CSMD1: variants seen among roughly 807,000 people sequenced by gnomAD.
CSMD1 encodes CUB and sushi domain-containing protein 1.
Under a neutral mutation model 417.5 loss-of-function variants are expected in CSMD1, and 213 were observed. The ratio of observed to expected loss-of-function variants is 0.51; its 90% CI spans 0.46 to 0.57. The LOEUF (loss-of-function observed/expected upper bound fraction) is 0.57. CSMD1 is among the 20% of genes least tolerant of loss of function. CSMD1 has a pLI of 0.00. For missense variants in CSMD1, 6,923 were observed against 4,529.7 expected (o/e 1.53, Z -15.17); for synonymous variants, 2,862 against 1,736.8 (o/e 1.65, Z -16.11).
chr8:3,521,622 C>A (rs932609372), intron 10 of CSMD1, among the ~76,000 whole-genome samples: 1 of 152,078 alleles, frequency 6.6e-6, no homozygotes, highest in Non-Finnish European at 1.5e-5. Context: ...CCCTTGTACA[C>A]GGAGCAAAGT....
intron 1 of CSMD1, among the ~76,000 whole-genome samples, chr8:4,662,259 A>G (rs946077898): frequency 6.6e-6 from 1 of 152,148 alleles, no homozygotes; most frequent in South Asian, 2.1e-4. Context: ...AATTTAATAA[A>G]CATTTTTATT....
intron 2 of CSMD1, among the ~76,000 whole-genome samples, chr8:4,610,808 T>A (rs192474386): frequency 2.2e-4 from 33 of 152,322 alleles, no homozygotes; most frequent in African/African-American, 7.2e-4. Flanking sequence ...GAGTTCAGGA[T>A]GGCATGCATG....
chr8:3,983,113 G>A (rs996370646), intron 5 of CSMD1, among the ~76,000 whole-genome samples: 2 of 148,438 alleles, frequency 1.3e-5, no homozygotes, highest in Non-Finnish European at 3.0e-5. Flanking sequence ...ACATCGTTAT[G>A]CATCCTCCCA....
intron 3 of CSMD1, among the ~76,000 whole-genome samples, chr8:4,295,837 A>T (rs1353098795): frequency 1.1e-4 from 16 of 146,418 alleles, no homozygotes; most frequent in African/African-American, 4.0e-4. Flanking sequence ...CCCTTATGCA[A>T]ATTTCAGATT....
rs567299395 is a variant in CSMD1, at chr8:3,704,922, G to C, written c.1009+3492C>G. 3 of 152,366 alleles carry C rather than the reference G, an allele frequency of 2.0e-5. No homozygotes were observed. In the East Asian group the frequency reaches 5.8e-4, roughly 29 times the overall value. The allele number at this position is 152,366 out of a possible 1,614,324, so 9.4% of individuals were successfully genotyped here. A position where few individuals can be genotyped will look rare whatever the true frequency, so the allele number is the denominator to read the frequency against. Reference sequence around the variant, plus strand: ...TTTGGGTGGATCTGATATAGTCAGAGGGCATGGATTTCTTGCTTTGCCCAG... The same window carrying C: ...TTTGGGTGGATCTGATATAGTCAGACGGCATGGATTTCTTGCTTTGCCCAG... On this transcript the variant is annotated intron_variant, in intron 7 of 69. Transcript: ENST00000635120.
At chr8:3,223,652 G>A (rs1798334483) in intron 28 of CSMD1, 77 bp downstream of exon 28, 5 of 1,434,178 alleles carry the variant, frequency 3.5e-6, no homozygotes, top group Non-Finnish European at 3.9e-6. Flanking sequence ...TAGAGACTAT[G>A]AGGTCATAAA....
chr8:4,504,122 T>C (rs1802401889), intron 2 of CSMD1, among the ~76,000 whole-genome samples: 1 of 152,132 alleles, frequency 6.6e-6, no homozygotes, highest in East Asian at 1.9e-4. Context: ...GTGGTGTATA[T>C]ATAGCCCATG....
intron 25 of CSMD1, among the ~76,000 whole-genome samples, chr8:3,295,528 C>T (rs1417679065): frequency 6.6e-6 from 1 of 152,078 alleles, no homozygotes; most frequent in Non-Finnish European, 1.5e-5. Context: ...TTTCGTAGTT[C>T]CTTACTAAAG....
intron 3 of CSMD1, among the ~76,000 whole-genome samples, chr8:4,090,160 T>C (rs1390753636): frequency 6.6e-6 from 1 of 152,218 alleles, no homozygotes; most frequent in Non-Finnish European, 1.5e-5. Context: ...ATTGGCTTGA[T>C]ACTGTTTTGA....
intron 3 of CSMD1, among the ~76,000 whole-genome samples, chr8:4,133,556 T>C (rs1434561286): frequency 6.6e-6 from 1 of 152,208 alleles, no homozygotes; most frequent in Admixed American, 6.5e-5. Flanking sequence ...ATAAGGGTTT[T>C]GTAGGAAAGC....
intron 2 of CSMD1, among the ~76,000 whole-genome samples, chr8:4,614,647 A>C (rs1337329954): frequency 6.6e-6 from 1 of 152,128 alleles, no homozygotes; most frequent in Non-Finnish European, 1.5e-5. Context: ...ACACACATAC[A>C]AACGTGCGCA....
intron 1 of CSMD1, among the ~76,000 whole-genome samples, chr8:4,986,355 T>C (rs546123875): frequency 1.2e-4 from 18 of 152,302 alleles, no homozygotes; most frequent in African/African-American, 4.1e-4. Context: ...AGAAGAAAAT[T>C]ACTCATTTGT....
chr8:3,374,257 C>A (rs1563323718), intron 18 of CSMD1, among the ~76,000 whole-genome samples: 1 of 152,144 alleles, frequency 6.6e-6, no homozygotes, highest in South Asian at 2.1e-4. Flanking sequence ...CCATGTCCGA[C>A]CCATCCACCC....
intron 20 of CSMD1, among the ~76,000 whole-genome samples, chr8:3,361,703 A>G (rs772834781): frequency 9.9e-5 from 15 of 151,256 alleles, no homozygotes; most frequent in Non-Finnish European, 1.9e-4. Flanking sequence ...AAACAGGAGA[A>G]TATTTTGATA....
chr8:3,393,292 G>C (rs548831202), intron 17 of CSMD1, among the ~76,000 whole-genome samples: 11 of 152,264 alleles, frequency 7.2e-5, no homozygotes, highest in African/African-American at 2.6e-4. Context: ...CACTCACTAG[G>C]TGAGGCCTCT....
At chr8:3,739,739 T>A (rs1796697698) in intron 6 of CSMD1, among the ~76,000 whole-genome samples, 1 of 152,176 alleles carries the variant, frequency 6.6e-6, no homozygotes, top group Non-Finnish European at 1.5e-5. Flanking sequence ...GATCCACAGT[T>A]ATCACAAAAA....
At chr8:4,001,933 T>G (rs1168034636) in intron 4 of CSMD1, among the ~76,000 whole-genome samples, 1 of 152,236 alleles carries the variant, frequency 6.6e-6, no homozygotes, top group Non-Finnish European at 1.5e-5. Flanking sequence ...CTATTGCATT[T>G]CTTCAGTAGA....
chr8:3,477,681 A>G (rs1055433435), intron 11 of CSMD1, among the ~76,000 whole-genome samples: 3 of 152,192 alleles, frequency 2.0e-5, no homozygotes, highest in African/African-American at 7.2e-5. Context: ...CAGTTATTTG[A>G]TAAGCCAAAC....
At chr8:4,653,117 G>A (rs1804014384) in intron 1 of CSMD1, among the ~76,000 whole-genome samples, 1 of 152,040 alleles carries the variant, frequency 6.6e-6, no homozygotes, top group Non-Finnish European at 1.5e-5. Context: ...CTCTTTCCCA[G>A]CCACAGATTC....
Sources: allele counts gnomAD v4.1 joint callset (sites outside exome capture counted in the v4.1 genomes callset), GRCh38; gene constraint gnomAD v4.1.1; transcripts MANE v1.5; gene names NCBI Gene and HGNC (gene_info 2026-07-23, HGNC 2026-07-21).